The following ARHGAP11A variants were observed in gnomAD, a reference collection of about 807,000 sequenced individuals.
The protein encoded by ARHGAP11A is Rho GTPase activating protein 11A.
A neutral mutation model predicts 60.5 loss-of-function variants in ARHGAP11A; 36 were observed. That is an observed-to-expected ratio of 0.59 (90% CI 0.46 to 0.79). The LOEUF (loss-of-function observed/expected upper bound fraction) is 0.79, where lower values mean the gene tolerates loss of function less well. Among genes scored for constraint, ARHGAP11A ranks in the 30% least tolerant of loss-of-function variants. The pLI, the probability that ARHGAP11A is intolerant of heterozygous loss-of-function variation, is 0.00. For missense variants in ARHGAP11A, 1,071 were observed against 1,199.2 expected (o/e 0.89, Z 1.58); for synonymous variants, 362 against 415.5 (o/e 0.87, Z 1.57).
chr15:32,620,098 G>A lies in ARHGAP11A; in HGVS notation c.130-10G>A, dbSNP rs1217900227. ...TATTTGTGTTAGAGTAACTGAATTT[G>A]TCATTTTAGGGTAAAATATTTGGAG... On this transcript the variant is annotated splice_polypyrimidine_tract_variant and intron_variant, in intron 1 of 11. Coordinates refer to ENST00000361627, the MANE Select transcript of ARHGAP11A (RefSeq NM_014783.6). The A allele has an allele frequency of 2.5e-6, 4 of 1,594,798 alleles. No homozygotes were observed. Among genetic ancestry groups the A allele is most frequent in the African/African-American group, 1.4e-5 (1 of 73,894 alleles).
chr15:32,624,037 A>G, intron 3 of ARHGAP11A, 136 bp from the exon 4 acceptor site: 1 of 603,194 alleles, frequency 1.7e-6, no homozygotes, highest in Non-Finnish European at 3.0e-6. Flanking sequence ...TTAAAAATAA[A>G]GTAGTGACAT....
At chr15:32,623,975 C>G (rs1436240046) in intron 3 of ARHGAP11A, among the ~76,000 whole-genome samples, 198 bp from the exon 4 acceptor site, 1 of 151,050 alleles carries the variant, frequency 6.6e-6, no homozygotes, top group African/African-American at 2.4e-5. Flanking sequence ...CCAGCCCAGG[C>G]CACATAGTCT....
chr15:32,627,875 C>T (rs1376640949), intron 6 of ARHGAP11A, among the ~76,000 whole-genome samples: 1 of 146,550 alleles, frequency 6.8e-6, no homozygotes, highest in Non-Finnish European at 1.5e-5. Flanking sequence ...AGTGATGCTA[C>T]CTTGGTTCAC....
intron 2 of ARHGAP11A, among the ~76,000 whole-genome samples, chr15:32,621,821 C>CAAAAAAAAAA (rs376053100): frequency 2.6e-4 from 32 of 120,866 alleles, no homozygotes; most frequent in Non-Finnish European, 3.1e-4. Flanking sequence ...GACTCCGTCT[C>CAAAAAAAAAA]AAAAAAAAAA....
At chr15:32,633,211 AT>A (rs2053626074) in intron 9 of ARHGAP11A, 103 bp downstream of exon 9, 1 of 1,323,116 alleles carries the variant, frequency 7.6e-7, no homozygotes, top group Non-Finnish European at 1.0e-6. Flanking sequence ...TTGAGTCATA[AT>A]TTTTTAAAAT....
Position 32,623,606 on chromosome 15 carries a change from C to T in ARHGAP11A, c.297+18C>T. On this transcript the variant is annotated intron_variant, in intron 3 of 11. Coordinates refer to ENST00000361627, the MANE Select transcript of ARHGAP11A (RefSeq NM_014783.6). ...CACTAAAGGTGAGCATATTGTTGAA[C>T]TATTAATTTTTCATTTGAGCCATTT... The T allele has an allele frequency of 1.2e-6, 2 of 1,600,798 alleles. No homozygotes were observed. Among genetic ancestry groups the T allele is most frequent in the Non-Finnish European group, 1.7e-6 (2 of 1,174,622 alleles).
chr15:32,637,446 C>G lies in ARHGAP11A; in HGVS notation c.2673C>G (p.Ser891=). The change falls in exon 12 of 12, where the codon TCC becomes TCG. Residue 891 remains serine, a synonymous_variant. Transcript: ENST00000361627. The stretch of plus-strand genomic sequence containing the variant: ...GTATAGAAAGTGCATCAAAAGATTC[C>G]TCTGTTTCATGTATCAAATCAGGTC... ...SSCIESASKD[S]SVSCIKSGPK... is the part of the protein sequence containing the mutation. 2 of 1,614,028 alleles carry G rather than the reference C, an allele frequency of 1.2e-6. No individual in the cohort carries two copies. The highest frequency in any genetic ancestry group is 1.7e-6 in the Non-Finnish European group (2 of 1,179,996).
Position 32,637,013 on chromosome 15 carries a change from A to G in ARHGAP11A, c.2240A>G (p.Asn747Ser), listed in dbSNP as rs1244134457. Residue 747 changes from asparagine (N) to serine (S), a missense_variant, in exon 12 of 12, where the codon AAC (asparagine) becomes AGC (serine). Physicochemically the swap from Asn to Ser is conservative, Grantham distance 46. Around this residue, in one of 4 missense-constraint regions of ARHGAP11A, gnomAD observed 776 missense variants for 760.2 expected, o/e 1.02. Transcript: ENST00000361627. ...LKENENMMEGNLPKCAAHSKD... is the reference protein window; with the variant it reads ...LKENENMMEGSLPKCAAHSKD... ...GAGAATGAGAATATGATGGAAGGTA[A>G]CTTACCGAAGTGTGCAGCACATAGC... 14 of 1,612,446 alleles carry G rather than the reference A, an allele frequency of 8.7e-6. No individual in the cohort carries two copies. In the Middle Eastern group the frequency reaches 9.9e-4, roughly 114 times the overall value.
At chr15:32,623,409 A>G in intron 2 of ARHGAP11A, 83 bp from the exon 3 acceptor site, 3 of 1,297,798 alleles carry the variant, frequency 2.3e-6, no homozygotes, top group Non-Finnish European at 3.3e-6. Flanking sequence ...AAAGGTACGT[A>G]GTGCTTGGCC....
intron 8 of ARHGAP11A, among the ~76,000 whole-genome samples, chr15:32,630,639 TC>T (rs1399124671): frequency 6.6e-6 from 1 of 152,058 alleles, no homozygotes; most frequent in Non-Finnish European, 1.5e-5. Flanking sequence ...TTATATGAGT[TC>T]CTTCCCAAAG....
chr15:32,623,449 T>A, intron 2 of ARHGAP11A, 43 bp from the exon 3 acceptor site: 1 of 1,556,138 alleles, frequency 6.4e-7, no homozygotes, highest in Non-Finnish European at 8.8e-7. Context: ...AGGAATAGGA[T>A]GTGATATGTA....
In ARHGAP11A at chr15:32,635,886, CA is replaced by C; in HGVS notation, c.1455del (p.Asp486MetfsTer22). 6.2e-7 allele frequency: 1 copy of C among 1,609,240 alleles called. No homozygotes were observed. The highest frequency in any genetic ancestry group is 1.1e-5 in the South Asian group (1 of 89,786). ...GTAAAAACAGGTTTGCTTTTTAGCC[CA>C]GATGTTGATGAAAAGTTACCAAAGA... ...ESVKTGLLFSPDVDEKLPKKG... is the reference protein window; with the variant it reads ...ESVKTGLLFSXDVDEKLPKKG... On this transcript the variant is annotated frameshift_variant, in exon 11 of 12. Transcript: ENST00000361627. LOFTEE classifies it low-confidence loss of function (END_TRUNC).
intron 7 of ARHGAP11A, among the ~76,000 whole-genome samples, chr15:32,629,133 T>C (rs1445773450): frequency 4.0e-5 from 6 of 150,808 alleles, no homozygotes; most frequent in Non-Finnish European, 7.4e-5. Context: ...TTCATTATTG[T>C]ATATTTCAAT....
chr15:32,623,735 A>C, intron 3 of ARHGAP11A, 147 bp downstream of exon 3: 1 of 824,430 alleles, frequency 1.2e-6, no homozygotes. Context: ...TTTTTTTCCA[A>C]AAGAAATGGT....
At chr15:32,636,156 A>G in intron 11 of ARHGAP11A, 101 bp from the exon 12 acceptor site, 1 of 1,449,802 alleles carries the variant, frequency 6.9e-7, no homozygotes, top group Admixed American at 2.8e-5. Flanking sequence ...CAAATACTTT[A>G]TTAGAATTAA....
At chr15:32,623,905 G>A (rs961314702) in intron 3 of ARHGAP11A, among the ~76,000 whole-genome samples, 1 of 152,102 alleles carries the variant, frequency 6.6e-6, no homozygotes, top group African/African-American at 2.4e-5. Context: ...GCACATGCTT[G>A]TAGTCCCAGC....
intron 10 of ARHGAP11A, 144 bp downstream of exon 10, chr15:32,634,185 T>C (rs191430914): frequency 1.2e-4 from 75 of 623,180 alleles, no homozygotes; most frequent in Non-Finnish European, 1.9e-4. Context: ...TGAGTTGATA[T>C]CAAATTTCCT....
At position 32,636,627 on chromosome 15, in the gene ARHGAP11A, G is replaced by T. The variant is rs2053720980; in HGVS notation, c.1854G>T (p.Gln618His). ...SNLHALMNQR[Q>H]SSVTNVGKVK... Reference sequence around the variant, plus strand: ...TTCACGCATTGATGAATCAGAGGCAGTCATCAGTAACTAATGTGGGGAAAG... The same window carrying T: ...TTCACGCATTGATGAATCAGAGGCATTCATCAGTAACTAATGTGGGGAAAG... The change falls in exon 12 of 12, where the codon CAG becomes CAT. Residue 618 changes from glutamine (Q) to histidine (H), a missense_variant. Gln to His is a conservative substitution (Grantham distance 24). Around this residue, in one of 4 missense-constraint regions of ARHGAP11A, gnomAD observed 776 missense variants for 760.2 expected, o/e 1.02. Coordinates refer to ENST00000361627, the MANE Select transcript of ARHGAP11A (RefSeq NM_014783.6). 2 of 1,613,844 alleles carry T rather than the reference G, an allele frequency of 1.2e-6. No homozygotes were observed. Among genetic ancestry groups the T allele is most frequent in the African/African-American group, 1.3e-5 (1 of 74,912 alleles).
Position 32,637,025 on chromosome 15 carries a change from G to GT in ARHGAP11A, c.2253dup (p.Ala752CysfsTer4). ...ATGATGGAAGGTAACTTACCGAAGT[G>GT]TGCAGCACATAGCAAGGACGAGGCT... On this transcript the variant is annotated frameshift_variant, in exon 12 of 12. Coordinates refer to ENST00000361627, the MANE Select transcript of ARHGAP11A (RefSeq NM_014783.6). LOFTEE classifies it low-confidence loss of function (END_TRUNC). 6.2e-7 allele frequency: 1 copy of GT among 1,613,876 alleles called. No homozygotes were observed. The highest frequency in any genetic ancestry group is 1.3e-5 in the African/African-American group (1 of 75,048).
Sources: gnomAD v4.1 joint callset for allele counts (sites outside exome capture counted in the v4.1 genomes callset) on GRCh38, gnomAD v4.1.1 for gene constraint, gnomAD v4.1.1 regional missense constraint, MANE v1.5 for transcripts, NCBI Gene and HGNC (gene_info 2026-07-23, HGNC 2026-07-21) for gene names.